Variants in SLC16A9 observed in about 807,000 individuals in gnomAD.
SLC16A9 encodes the protein monocarboxylate transporter 9.
Under a neutral mutation model 44.3 loss-of-function variants are expected in SLC16A9, and 26 were observed. The observed-to-expected ratio is 0.59, with a 90% CI of 0.43 to 0.81. SLC16A9 has a LOEUF of 0.81. Among genes scored for constraint, SLC16A9 ranks in the 40% least tolerant of loss-of-function variants. The pLI is 0.00. For synonymous variants in SLC16A9, 230 were observed against 225.1 expected (o/e 1.02, Z -0.19); for missense variants, 559 against 595.8 (o/e 0.94, Z 0.64).
chr10:59,664,960 A>T (rs1238983372), intron 3 of SLC16A9, among the ~76,000 whole-genome samples: 1 of 151,742 alleles, frequency 6.6e-6, no homozygotes, highest in African/African-American at 2.4e-5. Context: ...AAGCACATAC[A>T]ACAAAATACT....
At chr10:59,702,468 CT>C (rs1221545643) in intron 1 of SLC16A9, among the ~76,000 whole-genome samples, 1 of 152,166 alleles carries the variant, frequency 6.6e-6, no homozygotes, top group African/African-American at 2.4e-5. Flanking sequence ...TGGCTCAAAA[CT>C]GTCATTCAGA....
chr10:59,685,236 A>G (rs1224648798), intron 1 of SLC16A9, among the ~76,000 whole-genome samples: 3 of 152,216 alleles, frequency 2.0e-5, no homozygotes, highest in Non-Finnish European at 4.4e-5. Flanking sequence ...TCATTTTTAT[A>G]AGTACATAGG....
At chr10:59,678,465 G>A (rs1315758142) in intron 2 of SLC16A9, among the ~76,000 whole-genome samples, 1 of 150,172 alleles carries the variant, frequency 6.7e-6, no homozygotes, top group Non-Finnish European at 1.5e-5. Context: ...TAGTGGGTTT[G>A]GTGGTATTTA....
Position 59,652,770 on chromosome 10 carries a change from T to C in SLC16A9, c.*2A>G, listed in dbSNP as rs11006654. On this transcript the variant is annotated 3_prime_UTR_variant, in exon 6 of 6. Coordinates refer to ENST00000395348, the MANE Select transcript of SLC16A9 (RefSeq NM_194298.3). ...GCAAAAATAGTGTCTTCCAATATTC[T>C]TCTAAACATTAGAGGCAACTTTGTA... 5.9e-3 allele frequency: 9,428 copies of C among 1,604,762 alleles called. 408 individuals are homozygous for C. The African/African-American group carries it at 0.1, about 18-fold the overall frequency.
intron 3 of SLC16A9, among the ~76,000 whole-genome samples, chr10:59,669,752 G>T (rs1839702108): frequency 6.6e-6 from 1 of 151,862 alleles, no homozygotes; most frequent in Non-Finnish European, 1.5e-5. Context: ...CAGGAGAATC[G>T]CTTGAACCCA....
At chr10:59,653,157 C>G (rs1198465078) in intron 5 of SLC16A9, among the ~76,000 whole-genome samples, 1 of 151,962 alleles carries the variant, frequency 6.6e-6, no homozygotes, top group Non-Finnish European at 1.5e-5. Context: ...CGGTGGCTCA[C>G]GCCTGTAAAC....
At chr10:59,670,670 G>A (rs1839728900) in intron 3 of SLC16A9, among the ~76,000 whole-genome samples, 1 of 152,094 alleles carries the variant, frequency 6.6e-6, no homozygotes, top group South Asian at 2.1e-4. Flanking sequence ...CCATTAGACT[G>A]AACCGTTCTT....
chr10:59,682,604 C>A (rs147488974), intron 2 of SLC16A9, among the ~76,000 whole-genome samples: 1,577 of 152,256 alleles, frequency 0.01, 17 homozygotes, highest in Middle Eastern at 0.034. Flanking sequence ...TTTAATTATC[C>A]TTTGACCCTT....
chr10:59,668,292 G>T (rs962400736), intron 3 of SLC16A9, among the ~76,000 whole-genome samples: 1 of 152,034 alleles, frequency 6.6e-6, no homozygotes, highest in Non-Finnish European at 1.5e-5. Flanking sequence ...TAACAAACAC[G>T]TATAAAAAGA....
At chr10:59,664,923 C>A (rs2132429610) in intron 3 of SLC16A9, among the ~76,000 whole-genome samples, 1 of 152,184 alleles carries the variant, frequency 6.6e-6, no homozygotes, top group Non-Finnish European at 1.5e-5. Flanking sequence ...AATGTCTTTA[C>A]TTTAAAATAC....
intron 3 of SLC16A9, among the ~76,000 whole-genome samples, chr10:59,669,249 C>G (rs371916929): frequency 6.6e-6 from 1 of 152,158 alleles, no homozygotes; most frequent in South Asian, 2.1e-4. Context: ...CCTGCACCAC[C>G]ACCTCCTACC....
intron 1 of SLC16A9, among the ~76,000 whole-genome samples, chr10:59,709,232 C>T (rs1485372359): frequency 6.6e-6 from 1 of 152,140 alleles, no homozygotes; most frequent in African/African-American, 2.4e-5. Flanking sequence ...AAAATGCCGC[C>T]TTCGGATTCC....
chr10:59,692,731 G>A (rs1479797564), intron 1 of SLC16A9, among the ~76,000 whole-genome samples: 1 of 152,086 alleles, frequency 6.6e-6, no homozygotes, highest in Non-Finnish European at 1.5e-5. Flanking sequence ...AATGACTTTT[G>A]TCCCTCCAAA....
intron 1 of SLC16A9, among the ~76,000 whole-genome samples, chr10:59,700,089 A>G (rs1840489924): frequency 6.6e-6 from 1 of 152,212 alleles, no homozygotes; most frequent in East Asian, 1.9e-4. Flanking sequence ...CAGAATGACA[A>G]TCATAGGCTG....
intron 1 of SLC16A9, among the ~76,000 whole-genome samples, chr10:59,700,642 A>G (rs1268322860): frequency 6.6e-6 from 1 of 152,194 alleles, no homozygotes; most frequent in Non-Finnish European, 1.5e-5. Flanking sequence ...TAAGTGTTCA[A>G]TCTTGTTACT....
chr10:59,703,545 G>T (rs973307359), intron 1 of SLC16A9, among the ~76,000 whole-genome samples: 3 of 152,164 alleles, frequency 2.0e-5, no homozygotes, highest in Non-Finnish European at 4.4e-5. Context: ...TTTAGCAAAA[G>T]GGGAAGAAAT....
intron 4 of SLC16A9, among the ~76,000 whole-genome samples, chr10:59,663,674 G>A (rs190152734): frequency 6.2e-4 from 95 of 152,104 alleles, no homozygotes; most frequent in Admixed American, 1.8e-3. Context: ...GGGTTGATGG[G>A]TGCAGCAAAC....
intron 4 of SLC16A9, among the ~76,000 whole-genome samples, chr10:59,663,233 T>C (rs549319249): frequency 6.6e-6 from 1 of 152,148 alleles, no homozygotes; most frequent in African/African-American, 2.4e-5. Flanking sequence ...TGGTGGCACA[T>C]GCCTATAATT....
At position 59,661,283 on chromosome 10, in the gene SLC16A9, G is replaced by T. The variant is rs748611382; in HGVS notation, c.436+2944C>A. 1.8e-3 allele frequency among the ~76,000 whole-genome samples: 269 copies of T among 152,330 alleles called. 1 individual carries two copies. Among genetic ancestry groups the T allele is most frequent in the Non-Finnish European group, 3.3e-3 (223 of 68,030 alleles). On this transcript the variant is annotated intron_variant, in intron 4 of 5. Transcript: ENST00000395348. ...TCATCTCAGCCCGAAATCTCCTGAA[G>T]CTGATAAGAAACTTCAGCAAAGTCT...
Sources: gnomAD v4.1 joint callset for allele counts (sites outside exome capture counted in the v4.1 genomes callset) on GRCh38, gnomAD v4.1.1 for gene constraint, MANE v1.5 for transcripts, NCBI Gene and HGNC (gene_info 2026-07-23, HGNC 2026-07-21) for gene names.